Variants in PEAK1 observed in about 807,000 individuals in gnomAD.
PEAK1 encodes inactive tyrosine-protein kinase PEAK1.
In PEAK1, 54 loss-of-function variants were observed where a neutral mutation model predicts 124.7. That is an observed-to-expected ratio of 0.43 (90% CI 0.35 to 0.54). PEAK1 has a LOEUF of 0.54. Among genes scored for constraint, PEAK1 ranks in the 20% least tolerant of loss-of-function variants. The pLI, the probability that PEAK1 is intolerant of heterozygous loss-of-function variation, is 0.01. For missense variants in PEAK1, 2,046 were observed against 2,134.5 expected (o/e 0.96, Z 0.82); for synonymous variants, 719 against 760.0 (o/e 0.95, Z 0.89).
At chr15:77,389,459 C>A (rs1412468731) in intron 1 of PEAK1, among the ~76,000 whole-genome samples, 1 of 152,058 alleles carries the variant, frequency 6.6e-6, no homozygotes, top group African/African-American at 2.4e-5. Flanking sequence ...GGAGATAATA[C>A]CATCTCTCAT....
At chr15:77,356,055 G>C (rs2141496382) in intron 2 of PEAK1, 1 of 489,094 alleles carries the variant, frequency 2.0e-6, no homozygotes, top group South Asian at 8.7e-5. Context: ...CACACGACCT[G>C]GCCCCAAACG....
intron 2 of PEAK1, chr15:77,337,337 G>T (rs963088703): frequency 3.6e-5 from 35 of 967,084 alleles, no homozygotes; most frequent in Non-Finnish European, 4.2e-5. Context: ...TATTTGAGAG[G>T]AGAAACCATC....
At chr15:77,345,970 A>G (rs948386849) in intron 2 of PEAK1, 1 of 985,412 alleles carries the variant, frequency 1.0e-6, no homozygotes, top group Admixed American at 6.1e-5. Context: ...TATCATGGTC[A>G]AAAAGAATAC....
chr15:77,140,220 G>A (rs1408900435), intron 8 of PEAK1, among the ~76,000 whole-genome samples: 1 of 152,062 alleles, frequency 6.6e-6, no homozygotes, highest in East Asian at 1.9e-4. Context: ...AGAACAGGAG[G>A]AAGGAATGCT....
In PEAK1 at chr15:77,133,503, G is replaced by C; in HGVS notation, c.3579C>G (p.Asn1193Lys). 6.2e-7 allele frequency: 1 copy of C among 1,614,206 alleles called. No homozygotes were observed. The highest frequency in any genetic ancestry group is 8.5e-7 in the Non-Finnish European group (1 of 1,180,034). The part of the protein sequence containing the change: ...MANPTYDIDP[N>K]WDASSAGSSI... ...AAGAACCAGCACTGCTGGCATCCCA[G>C]TTGGGGTCGATATCATAGGTGGGAT... The change falls in exon 9 of 10, where the codon AAC (asparagine) becomes AAG (lysine). Residue 1193 changes from asparagine (N) to lysine (K), a missense_variant. By Grantham distance (94) the Asn-to-Lys change is moderately conservative (BLOSUM62 0). Coordinates refer to ENST00000682557, the MANE Select transcript of PEAK1 (RefSeq NM_001385026.1). This position sits in a 1 kb window ranked among gnomAD's most constrained non-coding sequence, Gnocchi z 4.2.
At chr15:77,260,983 G>C (rs2061409516) in intron 5 of PEAK1, among the ~76,000 whole-genome samples, 1 of 152,196 alleles carries the variant, frequency 6.6e-6, no homozygotes, top group Non-Finnish European at 1.5e-5. Flanking sequence ...CTGTTGTGCA[G>C]CCTCCGCTGC....
intron 2 of PEAK1, among the ~76,000 whole-genome samples, chr15:77,302,104 G>A (rs2063818575): frequency 6.6e-6 from 1 of 151,876 alleles, no homozygotes; most frequent in Admixed American, 6.6e-5. Flanking sequence ...CATACATCTT[G>A]TATATTTCCT....
intron 1 of PEAK1, among the ~76,000 whole-genome samples, chr15:77,405,474 T>C (rs2071741324): frequency 6.6e-6 from 1 of 152,170 alleles, no homozygotes; most frequent in African/African-American, 2.4e-5. Flanking sequence ...ATTCCTATCA[T>C]AAAAGCTATT....
chr15:77,105,028 C>T (rs770484189), downstream of PEAK1: 9 of 152,218 alleles, frequency 5.9e-5, no homozygotes, highest in Non-Finnish European at 8.8e-5. Flanking sequence ...ATTCTCTTTA[C>T]CTGAGGTACA....
intron 1 of PEAK1, among the ~76,000 whole-genome samples, chr15:77,393,329 C>G (rs1383355926): frequency 6.6e-6 from 1 of 152,194 alleles, no homozygotes; most frequent in East Asian, 1.9e-4. Flanking sequence ...ACTCCCCACA[C>G]TGTCCCCCAC....
At chr15:77,141,084 G>C (rs1453369863) in intron 8 of PEAK1, among the ~76,000 whole-genome samples, 3 of 152,162 alleles carry the variant, frequency 2.0e-5, no homozygotes, top group Non-Finnish European at 4.4e-5. Flanking sequence ...AGATTGTAAA[G>C]AGGAAAGTAA....
intron 5 of PEAK1, among the ~76,000 whole-genome samples, chr15:77,268,215 C>T (rs1394320233): frequency 1.3e-5 from 2 of 152,134 alleles, no homozygotes; most frequent in East Asian, 3.9e-4. Context: ...TGGCTCACGC[C>T]TATAAGCCCA....
chr15:77,225,666 T>TTATATATATATATATATATATATA (rs55958042), intron 6 of PEAK1, among the ~76,000 whole-genome samples: 8 of 87,994 alleles, frequency 9.1e-5, no homozygotes, highest in Non-Finnish European at 1.6e-4. Flanking sequence ...TGTGTATAAT[T>TTATATATATATATATATATATATA]TATATATATA....
intron 2 of PEAK1, among the ~76,000 whole-genome samples, chr15:77,312,690 C>T (rs1387109262): frequency 6.6e-6 from 1 of 152,240 alleles, no homozygotes; most frequent in Non-Finnish European, 1.5e-5. Flanking sequence ...TTTTCATACT[C>T]ATGATGAACC....
rs530315843 is a variant in PEAK1 at position 77,131,270 on chromosome 15, C to T, written c.4077+1735G>A. Among the ~76,000 whole-genome samples, 406 of 151,852 alleles carry T rather than the reference C, an allele frequency of 2.7e-3. 5 individuals carry two copies. Among genetic ancestry groups the T allele is most frequent in the Non-Finnish European group, 2.1e-4 (14 of 67,892 alleles). On this transcript the variant is annotated intron_variant, in intron 9 of 9. Transcript: ENST00000682557. ...CAGCACTTTGGGAGGCCAAGGTGGG[C>T]GGATCACGAGGTCAAGAGATTGAGA...
chr15:77,408,098 C>CAT (rs545554519), intron 1 of PEAK1, among the ~76,000 whole-genome samples: 1 of 150,444 alleles, frequency 6.6e-6, no homozygotes, highest in East Asian at 1.9e-4. Flanking sequence ...TATACACACA[C>CAT]ATATATACAT....
chr15:77,334,056 T>C (rs1335496224), intron 2 of PEAK1: 2 of 731,972 alleles, frequency 2.7e-6, no homozygotes, highest in Admixed American at 6.3e-5. Flanking sequence ...TCTGTACTTA[T>C]TCAACTCTCT....
At chr15:77,249,865 CAGAG>C (rs1208630366) in intron 6 of PEAK1, among the ~76,000 whole-genome samples, 1 of 151,978 alleles carries the variant, frequency 6.6e-6, no homozygotes, top group Non-Finnish European at 1.5e-5. Context: ...AAATCAATAA[CAGAG>C]AGACAGGGAA....
At chr15:77,194,773 C>T (rs540395314) in intron 6 of PEAK1, among the ~76,000 whole-genome samples, 1 of 152,130 alleles carries the variant, frequency 6.6e-6, no homozygotes, top group Admixed American at 6.6e-5. Flanking sequence ...AGCATTCAGA[C>T]AGAAGTGGCA....
Sources: allele counts gnomAD v4.1 joint callset (sites outside exome capture counted in the v4.1 genomes callset), GRCh38; gene constraint gnomAD v4.1.1; non-coding constraint Gnocchi (gnomAD v3.1); transcripts MANE v1.5; gene names NCBI Gene and HGNC (gene_info 2026-07-23, HGNC 2026-07-21).